CLYBL: variants seen among roughly 807,000 people sequenced by gnomAD.
The protein encoded by CLYBL is citramalyl-CoA lyase, mitochondrial.
Under a neutral mutation model 38.9 loss-of-function variants are expected in CLYBL, and 31 were observed. The ratio of observed to expected loss-of-function variants is 0.80; its 90% CI spans 0.60 to 1.08. The LOEUF is 1.08. Ranked by LOEUF, CLYBL falls within the 50% of genes least tolerant of loss-of-function variation. CLYBL has a pLI of 0.00. For synonymous variants in CLYBL, 171 were observed against 158.6 expected (o/e 1.08, Z -0.59); for missense variants, 434 against 411.6 (o/e 1.05, Z -0.47).
At chr13:99,832,471 G>C (rs728604) in intron 2 of CLYBL, among the ~76,000 whole-genome samples, 1 of 152,152 alleles carries the variant, frequency 6.6e-6, no homozygotes, top group African/African-American at 2.4e-5. Context: ...CCAACGTATA[G>C]ACAGGGCATG....
intron 2 of CLYBL, among the ~76,000 whole-genome samples, chr13:99,840,782 G>GAAAAA: frequency 2.0e-5 from 1 of 51,268 alleles, no homozygotes; most frequent in African/African-American, 9.7e-5. Context: ...AAAAAAAAAG[G>GAAAAA]GTTACATATG....
chr13:99,684,798 T>C (rs2047793662), intron 1 of CLYBL, among the ~76,000 whole-genome samples: 1 of 152,230 alleles, frequency 6.6e-6, no homozygotes, highest in Admixed American at 6.5e-5. Context: ...CCCATAAGAC[T>C]GAACCATGGG....
At chr13:99,753,347 T>G (rs1308231374) in intron 1 of CLYBL, among the ~76,000 whole-genome samples, 1 of 152,042 alleles carries the variant, frequency 6.6e-6, no homozygotes, top group Non-Finnish European at 1.5e-5. Context: ...CCAGACTGGC[T>G]GTGGTGTGGA....
chr13:99,794,401 C>T (rs563093628), intron 2 of CLYBL, among the ~76,000 whole-genome samples: 185 of 152,082 alleles, frequency 1.2e-3, no homozygotes, highest in South Asian at 5.4e-3. Flanking sequence ...GCGTGGCTGA[C>T]AAGAGCAAGA....
intron 1 of CLYBL, among the ~76,000 whole-genome samples, chr13:99,640,685 T>C (rs533914431): frequency 6.6e-6 from 1 of 152,324 alleles, no homozygotes; most frequent in South Asian, 2.1e-4. Flanking sequence ...TGAGTGTGGG[T>C]TTCAAGTTGA....
chr13:99,845,536 G>T (rs1209089580), intron 2 of CLYBL, among the ~76,000 whole-genome samples: 1 of 152,244 alleles, frequency 6.6e-6, no homozygotes, highest in South Asian at 2.1e-4. Context: ...TGGAAAGCGC[G>T]ATGGAAATCA....
chr13:99,755,023 G>A (rs1361094510), intron 1 of CLYBL, among the ~76,000 whole-genome samples: 2 of 150,966 alleles, frequency 1.3e-5, no homozygotes, highest in African/African-American at 4.9e-5. Flanking sequence ...TCAAACCCCC[G>A]GGTAGCTGGG....
At chr13:99,820,583 C>T (rs546303106) in intron 2 of CLYBL, among the ~76,000 whole-genome samples, 5 of 148,728 alleles carry the variant, frequency 3.4e-5, no homozygotes, top group African/African-American at 1.2e-4. Flanking sequence ...TGTCATGTTG[C>T]TTCACAGTCT....
chr13:99,768,471 G>T (rs923495605), intron 1 of CLYBL, among the ~76,000 whole-genome samples: 4 of 145,240 alleles, frequency 2.8e-5, no homozygotes, highest in African/African-American at 1.0e-4. Flanking sequence ...GGGATTACAG[G>T]TGTGAGCCAC....
chr13:99,867,574 G>C (rs939688496), intron 6 of CLYBL, among the ~76,000 whole-genome samples: 2 of 151,966 alleles, frequency 1.3e-5, no homozygotes, highest in South Asian at 4.2e-4. Flanking sequence ...ATTAATAAAC[G>C]AATTCTCCCT....
At chr13:99,768,423 G>T (rs2049313178) in intron 1 of CLYBL, among the ~76,000 whole-genome samples, 1 of 148,262 alleles carries the variant, frequency 6.7e-6, no homozygotes, top group African/African-American at 2.5e-5. Context: ...TCAAACTCCT[G>T]ATCTCGTGAT....
intron 1 of CLYBL, among the ~76,000 whole-genome samples, chr13:99,743,966 C>CTTTTTTTTTTTTTTT (rs1162079530): frequency 2.9e-5 from 2 of 69,180 alleles, no homozygotes; most frequent in East Asian, 3.8e-4. Context: ...TCTCTTCTTT[C>CTTTTTTTTTTTTTTT]TTTTTTTTTT....
At chr13:99,608,906 G>C (rs968725031) in intron 1 of CLYBL, among the ~76,000 whole-genome samples, 1 of 104,252 alleles carries the variant, frequency 9.6e-6, no homozygotes, top group Admixed American at 1.1e-4. Flanking sequence ...TTGGTCTTTC[G>C]GTGGTTTTAT....
chr13:99,734,826 T>TC (rs968684148), intron 1 of CLYBL, among the ~76,000 whole-genome samples: 20 of 152,050 alleles, frequency 1.3e-4, no homozygotes, highest in African/African-American at 4.8e-4. Flanking sequence ...AAAATGCTGT[T>TC]CCCCCCAAAA....
intron 1 of CLYBL, among the ~76,000 whole-genome samples, chr13:99,708,088 C>T (rs905149861): frequency 1.3e-5 from 2 of 152,190 alleles, no homozygotes; most frequent in African/African-American, 2.4e-5. Context: ...GGTTCATTCT[C>T]CTGCCTCAGC....
chr13:99,661,245 A>AG (rs2047404382), intron 1 of CLYBL, among the ~76,000 whole-genome samples: 1 of 151,754 alleles, frequency 6.6e-6, no homozygotes. Flanking sequence ...AAAGTAAAAG[A>AG]GAAAAAAAAG....
At chr13:99,800,184 A>G (rs997017038) in intron 2 of CLYBL, among the ~76,000 whole-genome samples, 2 of 152,152 alleles carry the variant, frequency 1.3e-5, no homozygotes, top group African/African-American at 4.8e-5. Flanking sequence ...CTTCAGCCCC[A>G]GTGGAGTCTG....
chr13:99,797,981 T>C (rs2050056948), intron 2 of CLYBL, among the ~76,000 whole-genome samples: 1 of 152,230 alleles, frequency 6.6e-6, no homozygotes. Context: ...TTTGCATCTT[T>C]AAAGAGGTTG....
chr13:99,886,118 T>C (rs2052343657), intron 7 of CLYBL, among the ~76,000 whole-genome samples: 1 of 152,198 alleles, frequency 6.6e-6, no homozygotes. Flanking sequence ...GCGTTAATTC[T>C]CACAGAGAAC....
Sources: gnomAD v4.1 joint callset for allele counts (sites outside exome capture counted in the v4.1 genomes callset) on GRCh38, gnomAD v4.1.1 for gene constraint, MANE v1.5 for transcripts, NCBI Gene and HGNC (gene_info 2026-07-23, HGNC 2026-07-21) for gene names.